PCDHGB2: variants seen among roughly 807,000 people sequenced by gnomAD.
The protein encoded by PCDHGB2 is protocadherin gamma-B2.
A neutral mutation model predicts 59.3 loss-of-function variants in PCDHGB2; 55 were observed. The observed-to-expected ratio is 0.93, with a 90% CI of 0.75 to 1.16. The LOEUF is 1.16. Among genes scored for constraint, PCDHGB2 ranks in the 50% most tolerant of loss-of-function variants. The pLI is 0.00. For synonymous variants in PCDHGB2, 516 were observed against 512.0 expected (o/e 1.01, Z -0.11); for missense variants, 1,228 against 1,198.5 (o/e 1.02, Z -0.36).
In PCDHGB2 at chr5:141,485,870, C is replaced by A. The variant is rs745737454; in HGVS notation, c.2422-8937C>A. On this transcript the variant is annotated intron_variant, in intron 1 of 3. Coordinates refer to ENST00000522605, the MANE Select transcript of PCDHGB2 (RefSeq NM_018923.3). The surrounding 1 kb of genome is among the most constrained non-coding windows in gnomAD (Gnocchi z 5.7). ...CACCGCAGAGCTCCGGGTATCCGTGCTGGACGTAAACGACAACGCCCCAGC... is the reference window on the plus strand; with the variant it reads ...CACCGCAGAGCTCCGGGTATCCGTGATGGACGTAAACGACAACGCCCCAGC... 1 of 1,614,174 alleles carries A rather than the reference C, an allele frequency of 6.2e-7. No homozygotes were observed. Among genetic ancestry groups the A allele is most frequent in the Non-Finnish European group, 8.5e-7 (1 of 1,180,032 alleles).
chr5:141,491,810 G>T lies in PCDHGB2; in HGVS notation c.2422-2997G>T. 1 of 1,486,878 alleles carries T rather than the reference G, an allele frequency of 6.7e-7. No individual in the cohort carries two copies. The allele number at this position is 1,486,878 out of a possible 1,614,324, so 92.1% of individuals were successfully genotyped here. A position where few individuals can be genotyped will look rare whatever the true frequency, so the allele number is the denominator to read the frequency against. ...CCACTCCTCTCCGGCCGGCTTGGTC[G>T]CTGGCTGCGCTCCACCCGATTCTCG... On this transcript the variant is annotated intron_variant, in intron 1 of 3. Coordinates refer to ENST00000522605, the MANE Select transcript of PCDHGB2 (RefSeq NM_018923.3). This position sits in a 1 kb window ranked among gnomAD's most constrained non-coding sequence, Gnocchi z 6.9.
chr5:141,370,319 C>T (rs1357424627), intron 1 of PCDHGB2: 1 of 1,336,732 alleles, frequency 7.5e-7, no homozygotes, highest in Non-Finnish European at 1.0e-6. Context: ...ATAGTTGGTC[C>T]TGCTCGGAGA....
chr5:141,426,766 T>C (rs2096958771), intron 1 of PCDHGB2: 1 of 456,532 alleles, frequency 2.2e-6, no homozygotes, highest in South Asian at 1.5e-5. Flanking sequence ...GATGCAGATG[T>C]AGGGCCTCAC....
At chr5:141,505,552 T>C (rs920594597) in intron 3 of PCDHGB2, 71 bp downstream of exon 3, 8 of 1,608,230 alleles carry the variant, frequency 5.0e-6, no homozygotes, top group Non-Finnish European at 6.8e-6. Context: ...ACAGCCACCA[T>C]GCCCACGGAC....
chr5:141,384,106 A>G, intron 1 of PCDHGB2: 1 of 1,602,128 alleles, frequency 6.2e-7, no homozygotes, highest in Non-Finnish European at 8.5e-7. Flanking sequence ...TAATTATTAT[A>G]GATTGGTCAC....
At chr5:141,389,438 C>G in intron 1 of PCDHGB2, 1 of 1,610,592 alleles carries the variant, frequency 6.2e-7, no homozygotes, top group East Asian at 2.2e-5. Context: ...AGCGCGCCTT[C>G]GACCACGAGC....
intron 1 of PCDHGB2, chr5:141,428,217 C>A: frequency 8.3e-7 from 1 of 1,211,998 alleles, no homozygotes; most frequent in Non-Finnish European, 1.2e-6. Context: ...TTCACCTAGT[C>A]TTCGCAGACA....
intron 1 of PCDHGB2, chr5:141,374,211 C>T (rs748746691): frequency 6.2e-6 from 10 of 1,613,954 alleles, no homozygotes; most frequent in Non-Finnish European, 8.5e-6. Context: ...GAGAAAGGCT[C>T]CTTCGTAGGC....
At position 141,487,510 on chromosome 5, in the gene PCDHGB2, C is replaced by A; in HGVS notation, c.2422-7297C>A. On this transcript the variant is annotated intron_variant, in intron 1 of 3. Transcript: ENST00000522605. The surrounding 1 kb of genome is among the most constrained non-coding windows in gnomAD (Gnocchi z 5.0). ...GCTGTACACCCTTGGCTTCTGCACC[C>A]ACTCGGAGTGATAGCTTCATGATGG... is the stretch of plus-strand genomic sequence containing the variant. The A allele has an allele frequency of 6.2e-7, 1 of 1,614,210 alleles. No homozygotes were observed. Among genetic ancestry groups the A allele is most frequent in the Non-Finnish European group, 8.5e-7 (1 of 1,180,042 alleles).
intron 1 of PCDHGB2, among the ~76,000 whole-genome samples, chr5:141,369,109 A>G (rs1037761317): frequency 1.3e-5 from 2 of 152,176 alleles, no homozygotes; most frequent in African/African-American, 4.8e-5. Flanking sequence ...TGGAATTAAA[A>G]CTGTAAGACA....
chr5:141,435,910 G>T (rs1296707748), intron 1 of PCDHGB2, among the ~76,000 whole-genome samples: 2 of 152,112 alleles, frequency 1.3e-5, no homozygotes, highest in Non-Finnish European at 2.9e-5. Flanking sequence ...ACATCCAAGG[G>T]CTCTAAAATG....
rs890064560 is a variant in PCDHGB2, at chr5:141,360,409, C to A, written c.274C>A (p.Arg92=). Residue 92 remains arginine (R), a synonymous_variant, in exon 1 of 4, where the codon CGA becomes AGA. Coordinates refer to ENST00000522605, the MANE Select transcript of PCDHGB2 (RefSeq NM_018923.3). The part of the protein sequence containing the change: ...GDLLVSDRID[R]EQICGKQPLC... Reference sequence around the variant, plus strand: ...CTTACTTGTGAGTGACAGAATAGACCGAGAACAGATATGCGGGAAGCAGCC... The same window carrying A: ...CTTACTTGTGAGTGACAGAATAGACAGAGAACAGATATGCGGGAAGCAGCC... 1.2e-6 allele frequency: 2 copies of A among 1,613,722 alleles called. No homozygotes were observed. The highest frequency in any genetic ancestry group is 1.7e-6 in the Non-Finnish European group (2 of 1,179,856).
intron 1 of PCDHGB2, among the ~76,000 whole-genome samples, chr5:141,447,984 G>C (rs1300057273): frequency 6.6e-6 from 1 of 151,952 alleles, no homozygotes; most frequent in African/African-American, 2.4e-5. Context: ...TACTCGGGAG[G>C]CTGAGGCATG....
intron 1 of PCDHGB2, chr5:141,475,926 G>C: frequency 4.8e-6 from 3 of 619,440 alleles, no homozygotes; most frequent in East Asian, 2.9e-5. Context: ...GCTGGAGATC[G>C]GGCCCCTGCC....
intron 1 of PCDHGB2, chr5:141,372,188 G>A (rs771970227): frequency 1.2e-6 from 2 of 1,613,434 alleles, no homozygotes; most frequent in Admixed American, 1.7e-5. Context: ...ACGCAGACTC[G>A]GGATACAACG....
rs143278253 is a variant in PCDHGB2 at position 141,476,491 on chromosome 5, C to T, written c.2422-18316C>T. 9.5e-5 allele frequency: 153 copies of T among 1,613,894 alleles called. No individual in the cohort carries two copies. The highest frequency in any genetic ancestry group is 5.4e-5 in the Non-Finnish European group (64 of 1,180,020). On this transcript the variant is annotated intron_variant, in intron 1 of 3. Transcript: ENST00000522605. This position sits in a 1 kb window ranked among gnomAD's most constrained non-coding sequence, Gnocchi z 7.6. ...AGCTGTTCAGCGTGGAAGTGGTGAT[C>T]CAGGACATCAACGACAACAATCCTG... is the stretch of plus-strand genomic sequence containing the variant.
At chr5:141,368,627 T>C (rs1237870416) in intron 1 of PCDHGB2, among the ~76,000 whole-genome samples, 2 of 152,216 alleles carry the variant, frequency 1.3e-5, no homozygotes, top group Non-Finnish European at 2.9e-5. Context: ...ACATTTCTTC[T>C]GAGTTAAATG....
At chr5:141,409,529 G>T (rs2095278932) in intron 1 of PCDHGB2, 1 of 1,613,962 alleles carries the variant, frequency 6.2e-7, no homozygotes, top group Non-Finnish European at 8.5e-7. Flanking sequence ...CTTGTATGTC[G>T]CTGACATCAA....
Position 141,366,742 on chromosome 5 carries a change from G to A in PCDHGB2, c.2421+4186G>A, listed in dbSNP as rs762560261. ...AGGTAGATGCAAACAAAGAAGAACGGCGAGTTCAGGTTAGTTTTCTCTTTC... is the reference window on the plus strand; with the variant it reads ...AGGTAGATGCAAACAAAGAAGAACGACGAGTTCAGGTTAGTTTTCTCTTTC... On this transcript the variant is annotated intron_variant, in intron 1 of 3. Transcript: ENST00000522605. 3 of 1,611,864 alleles carry A rather than the reference G, an allele frequency of 1.9e-6. No homozygotes were observed. The East Asian group carries it at 6.7e-5, about 36-fold the overall frequency.
Sources: gnomAD v4.1 joint callset for allele counts (sites outside exome capture counted in the v4.1 genomes callset) on GRCh38, gnomAD v4.1.1 for gene constraint, Gnocchi (gnomAD v3.1) non-coding constraint, MANE v1.5 for transcripts, NCBI Gene and HGNC (gene_info 2026-07-23, HGNC 2026-07-21) for gene names.